PARVB: variants seen among roughly 807,000 people sequenced by gnomAD.
PARVB encodes parvin beta.
Under a neutral mutation model 47.0 loss-of-function variants are expected in PARVB, and 46 were observed. That is an observed-to-expected ratio of 0.98 (90% confidence interval 0.77 to 1.25). The LOEUF (loss-of-function observed/expected upper bound fraction) is 1.25, where lower values mean the gene tolerates loss of function less well. PARVB is among the 50% of genes most tolerant of loss of function. PARVB has a pLI of 0.00. For synonymous variants in PARVB, 196 were observed against 196.3 expected (o/e 1.00, Z 0.01); for missense variants, 473 against 471.6 (o/e 1.00, Z -0.03).
chr22:44,154,344 A>G (rs989560331), intron 10 of PARVB, among the ~76,000 whole-genome samples: 3 of 152,232 alleles, frequency 2.0e-5, no homozygotes, highest in Non-Finnish European at 4.4e-5. Context: ...GTATTTTTAT[A>G]AATACCATAT....
chr22:44,082,323 C>T (rs1027753799), intron 1 of PARVB, among the ~76,000 whole-genome samples: 1 of 152,056 alleles, frequency 6.6e-6, no homozygotes, highest in Admixed American at 6.6e-5. Flanking sequence ...GTTCGAGATC[C>T]ACCTGGCCAA....
intron 3 of PARVB, among the ~76,000 whole-genome samples, chr22:44,101,763 AAAAG>A (rs2052453693): frequency 6.6e-6 from 1 of 152,064 alleles, no homozygotes; most frequent in Admixed American, 6.5e-5. Context: ...AAAAAAAAAA[AAAAG>A]AAATTCCAAA....
intron 3 of PARVB, chr22:44,113,128 A>T (rs1244410085): frequency 2.4e-5 from 2 of 82,422 alleles, no homozygotes; most frequent in African/African-American, 6.8e-5. Context: ...ACACAGATAC[A>T]TTGTTACTAA....
chr22:44,103,608 TG>T lies in PARVB; in HGVS notation c.273+3487del, dbSNP rs2052500454. Reference sequence around the variant, plus strand: ...TATCATCTTACATGGCAAAGGGACATGGTGGGTGTAGTTAGTGACCTTGCAA... The same window carrying T: ...TATCATCTTACATGGCAAAGGGACATGTGGGTGTAGTTAGTGACCTTGCAA... On this transcript the variant is annotated intron_variant, in intron 3 of 12. Transcript: ENST00000338758. This position sits in a 1 kb window ranked among gnomAD's most constrained non-coding sequence, Gnocchi z 4.6. 1 of 152,176 alleles carries T rather than the reference TG, an allele frequency of 6.6e-6. No homozygotes were observed. The highest frequency in any genetic ancestry group is 2.4e-5 in the African/African-American group (1 of 41,440). 9.4% of individuals were successfully genotyped at this position (152,176 alleles called of 1,614,324 possible).
At chr22:44,166,879 C>T (rs923852252) in intron 12 of PARVB, among the ~76,000 whole-genome samples, 6 of 152,234 alleles carry the variant, frequency 3.9e-5, no homozygotes, top group Admixed American at 2.6e-4. Context: ...AAGAATGACA[C>T]GGAGAATGGG....
chr22:44,156,555 G>A (rs1354579720), intron 10 of PARVB, among the ~76,000 whole-genome samples: 4 of 152,150 alleles, frequency 2.6e-5, no homozygotes, highest in Non-Finnish European at 5.9e-5. Flanking sequence ...AGGATTACAG[G>A]CGTGAGCCAC....
intron 1 of PARVB, among the ~76,000 whole-genome samples, chr22:44,091,914 C>T (rs1434739918): frequency 2.0e-5 from 3 of 152,110 alleles, no homozygotes; most frequent in East Asian, 1.9e-4. Context: ...CCTGGGGCCC[C>T]GCTGCCATTG....
At chr22:44,095,848 G>A (rs550914231) in intron 2 of PARVB, among the ~76,000 whole-genome samples, 9 of 152,316 alleles carry the variant, frequency 5.9e-5, no homozygotes, top group East Asian at 1.9e-4. Flanking sequence ...AAGTTCAGCC[G>A]CCAACCGACC....
chr22:44,073,442 G>A (rs771291057), intron 1 of PARVB, among the ~76,000 whole-genome samples: 2 of 152,198 alleles, frequency 1.3e-5, no homozygotes, highest in Non-Finnish European at 2.9e-5. Context: ...TGCGGTGAGC[G>A]GAGGTCGCGC....
chr22:44,069,019 C>T, intron 1 of PARVB: 1 of 1,137,144 alleles, frequency 8.8e-7, no homozygotes, highest in Non-Finnish European at 1.3e-6. Context: ...CAAAGGCTCC[C>T]CAAAGAGGCT....
At chr22:44,035,786 C>A (rs2050911559) in intron 1 of PARVB, among the ~76,000 whole-genome samples, 1 of 151,776 alleles carries the variant, frequency 6.6e-6, no homozygotes, top group African/African-American at 2.4e-5. Flanking sequence ...CGTGGGAACC[C>A]AAACAGATCA....
chr22:44,014,911 T>C (rs1045675591), intron 2 of PARVB, among the ~76,000 whole-genome samples: 3 of 151,604 alleles, frequency 2.0e-5, no homozygotes, highest in African/African-American at 7.3e-5. Flanking sequence ...AGTGAAGTGG[T>C]GCAATCTCAG....
intron 12 of PARVB, among the ~76,000 whole-genome samples, chr22:44,167,435 T>G (rs1421491796): frequency 6.6e-6 from 1 of 152,128 alleles, no homozygotes; most frequent in Non-Finnish European, 1.5e-5. Context: ...AGCTCAGACC[T>G]GGGGGCTGCT....
intron 10 of PARVB, 185 bp downstream of exon 10, chr22:44,151,736 G>C (rs1601688755): frequency 1.4e-5 from 8 of 569,386 alleles, no homozygotes. Flanking sequence ...TCCTGGGGCT[G>C]CTGCCACAAA....
chr22:44,040,302 G>GT (rs1181393726), intron 1 of PARVB, among the ~76,000 whole-genome samples: 1 of 150,500 alleles, frequency 6.6e-6, no homozygotes, highest in Non-Finnish European at 1.5e-5. Context: ...TTTGAAATGT[G>GT]TTAAAAAAAG....
At chr22:44,008,894 C>G (rs944146627) in intron 2 of PARVB, among the ~76,000 whole-genome samples, 6 of 152,072 alleles carry the variant, frequency 3.9e-5, no homozygotes, top group African/African-American at 1.4e-4. Context: ...GAGGCTGAGG[C>G]AGGAGAATGG....
At chr22:44,097,557 C>T (rs1392430235) in intron 2 of PARVB, among the ~76,000 whole-genome samples, 1 of 152,226 alleles carries the variant, frequency 6.6e-6, no homozygotes. Flanking sequence ...CTGGAGCAAG[C>T]GCCTGCTCTG....
chr22:44,149,149 T>G (rs2053749262), intron 9 of PARVB: 1 of 152,164 alleles, frequency 6.6e-6, no homozygotes, highest in Non-Finnish European at 1.5e-5. Flanking sequence ...CTCAGGGCAC[T>G]GTGAGGATAA....
rs2053468286 is a variant in PARVB at position 44,137,761 on chromosome 22, GGTGCTCTC to G, written c.692+1244_692+1251del. Among the ~76,000 whole-genome samples the G allele has an allele frequency of 2.0e-5, 3 of 152,210 alleles. No individual in the cohort carries two copies. The South Asian group carries it at 6.2e-4, about 32-fold the overall frequency. On this transcript the variant is annotated intron_variant, in intron 7 of 12. Coordinates refer to ENST00000338758, the MANE Select transcript of PARVB (RefSeq NM_013327.5). ...CTCACAGTGCTGGGCATCTTCCCAG[GGTGCTCTC>G]AGGGTCCTGAGAGAGTGAGAATGCA...
Sources: gnomAD v4.1 joint callset for allele counts (sites outside exome capture counted in the v4.1 genomes callset) on GRCh38, gnomAD v4.1.1 for gene constraint, Gnocchi (gnomAD v3.1) non-coding constraint, MANE v1.5 for transcripts, NCBI Gene and HGNC (gene_info 2026-07-23, HGNC 2026-07-21) for gene names.